ITGA1: variants seen among roughly 807,000 people sequenced by gnomAD.
ITGA1 encodes the protein integrin subunit alpha 1.
Under a neutral mutation model 145.9 loss-of-function variants are expected in ITGA1, and 85 were observed. The ratio of observed to expected loss-of-function variants is 0.58; its 90% confidence interval spans 0.49 to 0.70. The LOEUF (loss-of-function observed/expected upper bound fraction) is 0.70. Ranked by LOEUF, ITGA1 falls within the 30% of genes least tolerant of loss-of-function variation. The pLI is 0.00. For missense variants in ITGA1, 1,351 were observed against 1,418.7 expected (o/e 0.95, Z 0.77); for synonymous variants, 520 against 495.3 (o/e 1.05, Z -0.66).
chr5:52,897,645 T>C, intron 10 of ITGA1, 117 bp downstream of exon 10: 1 of 676,268 alleles, frequency 1.5e-6, no homozygotes, highest in African/African-American at 1.8e-5. Context: ...TGAACAATTA[T>C]GCAGGCTATG....
chr5:52,903,478 TGAA>T (rs1452647698), intron 11 of ITGA1: 1 of 152,156 alleles, frequency 6.6e-6, no homozygotes, highest in African/African-American at 2.4e-5. Flanking sequence ...CAAAGAAAGA[TGAA>T]GGAATGAGAA....
In ITGA1 at chr5:52,956,565, C is replaced by A. The variant is rs1413740192; in HGVS notation, c.*4114C>A. 1 of 152,152 alleles carries A rather than the reference C, an allele frequency of 6.6e-6. No homozygotes were observed. The highest frequency in any genetic ancestry group is 2.4e-5 in the African/African-American group (1 of 41,426). The allele number at this position is 152,152 out of a possible 1,614,324, so 9.4% of individuals were successfully genotyped here. A position where few individuals can be genotyped will look rare whatever the true frequency, so the allele number is the denominator to read the frequency against. ...TTCTGCAGCGGTGTTCTAAAGGGTTCACATAGTATAATGGAGGAGGGACAA... is the reference window on the plus strand; with the variant it reads ...TTCTGCAGCGGTGTTCTAAAGGGTTAACATAGTATAATGGAGGAGGGACAA... On this transcript the variant is annotated 3_prime_UTR_variant, in exon 29 of 29. Transcript: ENST00000282588.
At chr5:52,915,360 A>G (rs1200112722) in intron 14 of ITGA1, 104 bp from the exon 15 acceptor site, 5 of 1,307,854 alleles carry the variant, frequency 3.8e-6, no homozygotes, top group African/African-American at 1.5e-5. Context: ...TCCCAAATTA[A>G]CAAAACTGAT....
At chr5:52,935,953 A>ATTTT (rs1432000108) in intron 23 of ITGA1, among the ~76,000 whole-genome samples, 1 of 84,300 alleles carries the variant, frequency 1.2e-5, no homozygotes, top group Admixed American at 1.3e-4. Context: ...AGAACACAGG[A>ATTTT]TTTCTTTTTT....
chr5:52,808,101 A>G (rs921870304), intron 1 of ITGA1, among the ~76,000 whole-genome samples: 1 of 152,220 alleles, frequency 6.6e-6, no homozygotes, highest in African/African-American at 2.4e-5. Flanking sequence ...AGAGTATTAT[A>G]GAGTATTTCA....
chr5:52,822,286 G>A (rs997448735), intron 1 of ITGA1, among the ~76,000 whole-genome samples: 1 of 152,152 alleles, frequency 6.6e-6, no homozygotes, highest in Non-Finnish European at 1.5e-5. Flanking sequence ...GTAGATTGGT[G>A]ACAACATTCT....
chr5:52,891,688 T>C (rs1205721929), intron 8 of ITGA1, among the ~76,000 whole-genome samples: 1 of 151,424 alleles, frequency 6.6e-6, no homozygotes, highest in Non-Finnish European at 1.5e-5. Flanking sequence ...TTGAAGCAAA[T>C]ATAAGGAAAC....
At position 52,949,925 on chromosome 5, in the gene ITGA1, T is replaced by C. The variant is rs377163595; in HGVS notation, c.3495+2464T>C. Among the ~76,000 whole-genome samples the C allele has an allele frequency of 3.7e-4, 56 of 152,254 alleles. No homozygotes were observed. In the East Asian group the frequency reaches 6.4e-3, roughly 17 times the overall value. ...ATCCCTTCTTCCTTCCTTTCCTGAA[T>C]CCCACCAGTTTGGAGTTCATTGGAA... On this transcript the variant is annotated intron_variant, in intron 28 of 28. Transcript: ENST00000282588.
chr5:52,824,049 C>G (rs1292235372), intron 1 of ITGA1, among the ~76,000 whole-genome samples: 1 of 152,088 alleles, frequency 6.6e-6, no homozygotes, highest in African/African-American at 2.4e-5. Context: ...TGTTCTCATA[C>G]TTAATGATCT....
At chr5:52,859,066 A>G (rs1223516725) in intron 2 of ITGA1, among the ~76,000 whole-genome samples, 1 of 152,164 alleles carries the variant, frequency 6.6e-6, no homozygotes, top group African/African-American at 2.4e-5. Context: ...CACAGAAAGC[A>G]CTTAGAACAG....
chr5:52,800,509 C>G (rs757292312), intron 1 of ITGA1: 25 of 1,614,010 alleles, frequency 1.5e-5, no homozygotes, highest in Non-Finnish European at 2.0e-5. Flanking sequence ...GGGCGACAGC[C>G]TGCGCGCCTC....
Position 52,929,607 on chromosome 5 carries a change from CAT to C in ITGA1, c.2695-15_2695-14del, listed in dbSNP as rs1166109572. 3.1e-6 allele frequency: 4 copies of C among 1,290,600 alleles called. No individual in the cohort carries two copies. Among genetic ancestry groups the C allele is most frequent in the South Asian group, 1.2e-5 (1 of 81,254 alleles). The allele number at this position is 1,290,600 out of a possible 1,614,324, so 79.9% of individuals were successfully genotyped here. On this transcript the variant is annotated splice_polypyrimidine_tract_variant and intron_variant, in intron 20 of 28. Coordinates refer to ENST00000282588, the MANE Select transcript of ITGA1 (RefSeq NM_181501.2). Reference sequence around the variant, plus strand: ...TAAATTTCTTATCTGTTACTAAAGACATATTTTTATTTTATAGGTAACTTTCA... The same window carrying C: ...TAAATTTCTTATCTGTTACTAAAGACATTTTTATTTTATAGGTAACTTTCA...
intron 27 of ITGA1, 55 bp downstream of exon 27, chr5:52,945,090 C>T: frequency 1.5e-6 from 2 of 1,328,640 alleles, no homozygotes; most frequent in Non-Finnish European, 1.1e-6. Context: ...AATTTTGTGA[C>T]ATAATGTTTT....
chr5:52,835,783 G>T (rs771651859), intron 1 of ITGA1, among the ~76,000 whole-genome samples: 23 of 152,106 alleles, frequency 1.5e-4, no homozygotes, highest in Non-Finnish European at 2.1e-4. Context: ...CCCTTTTCAA[G>T]ATTCAAATCA....
intron 7 of ITGA1, among the ~76,000 whole-genome samples, chr5:52,883,083 C>A (rs948272630): frequency 1.3e-5 from 2 of 152,140 alleles, no homozygotes; most frequent in African/African-American, 4.8e-5. Flanking sequence ...TAACCACAAA[C>A]AGATGGAGGT....
At chr5:52,942,949 T>C (rs372887538) in intron 26 of ITGA1, among the ~76,000 whole-genome samples, 3 of 152,210 alleles carry the variant, frequency 2.0e-5, no homozygotes, top group Non-Finnish European at 4.4e-5. Context: ...TAAAGTCATT[T>C]ATGAATTCTA....
intron 16 of ITGA1, among the ~76,000 whole-genome samples, chr5:52,919,909 G>A (rs536843382): frequency 6.6e-6 from 1 of 152,004 alleles, no homozygotes; most frequent in South Asian, 2.1e-4. Context: ...GTATATATTT[G>A]TAAATAAATA....
At chr5:52,887,737 T>C in intron 7 of ITGA1, 78 bp from the exon 8 acceptor site, 2 of 1,380,288 alleles carry the variant, frequency 1.4e-6, no homozygotes, top group Non-Finnish European at 2.0e-6. Context: ...GAGTAGTCAG[T>C]GTTTTTGTTT....
At chr5:52,851,474 C>G (rs73102269) in intron 2 of ITGA1, among the ~76,000 whole-genome samples, 1 of 152,068 alleles carries the variant, frequency 6.6e-6, no homozygotes, top group Non-Finnish European at 1.5e-5. Context: ...AAAAATCAGG[C>G]CTGAATGAAG....
Sources: gnomAD v4.1 joint callset for allele counts (sites outside exome capture counted in the v4.1 genomes callset) on GRCh38, gnomAD v4.1.1 for gene constraint, MANE v1.5 for transcripts, NCBI Gene and HGNC (gene_info 2026-07-23, HGNC 2026-07-21) for gene names.